Variants in PLCB4 observed in about 807,000 individuals in gnomAD.
PLCB4 encodes phospholipase C beta 4.
PLCB4 carries 77 observed loss-of-function variants against 178.8 expected under a neutral mutation model. The observed-to-expected ratio is 0.43, with a 90% CI of 0.36 to 0.52. PLCB4 has a LOEUF of 0.52. Among genes scored for constraint, PLCB4 ranks in the 20% least tolerant of loss-of-function variants. PLCB4 has a pLI of 0.00. For synonymous variants in PLCB4, 496 were observed against 490.8 expected (o/e 1.01, Z -0.14); for missense variants, 1,024 against 1,453.4 (o/e 0.70, Z 4.80).
chr20:9,237,257 T>C (rs2094003714), intron 3 of PLCB4, among the ~76,000 whole-genome samples: 2 of 152,176 alleles, frequency 1.3e-5, no homozygotes, highest in South Asian at 4.1e-4. Context: ...TGCATACGTA[T>C]GTTTAAACGA....
At chr20:9,248,758 G>C (rs926271552) in intron 3 of PLCB4, among the ~76,000 whole-genome samples, 1 of 152,100 alleles carries the variant, frequency 6.6e-6, no homozygotes, top group African/African-American at 2.4e-5. Flanking sequence ...TTCAAGGCAG[G>C]TTCCTTTATG....
intron 25 of PLCB4, among the ~76,000 whole-genome samples, chr20:9,413,520 G>A (rs981227817): frequency 5.3e-5 from 8 of 152,026 alleles, no homozygotes; most frequent in Non-Finnish European, 7.4e-5. Context: ...TTAGCCGGGC[G>A]TGGTGGCGGG....
At chr20:9,294,031 G>T (rs2179322) in intron 3 of PLCB4, among the ~76,000 whole-genome samples, 5,274 of 152,144 alleles carry the variant, frequency 0.035, 334 homozygotes, top group African/African-American at 0.12. Flanking sequence ...GCAGCTGAGG[G>T]CACGTTTCTT....
chr20:9,125,523 C>G (rs185528917), intron 2 of PLCB4, among the ~76,000 whole-genome samples: 1 of 151,594 alleles, frequency 6.6e-6, no homozygotes, highest in East Asian at 1.9e-4. Context: ...AGATATAACT[C>G]GTAATGAGGG....
At chr20:9,422,272 T>C (rs1169970249) in intron 27 of PLCB4, among the ~76,000 whole-genome samples, 1 of 152,202 alleles carries the variant, frequency 6.6e-6, no homozygotes, top group East Asian at 1.9e-4. Context: ...GATTATCCAT[T>C]TCAGAATAGA....
intron 7 of PLCB4, 71 bp from the exon 8 acceptor site, chr20:9,362,825 A>C: frequency 1.2e-6 from 1 of 864,570 alleles, no homozygotes; most frequent in South Asian, 1.4e-5. Context: ...GATACAATCT[A>C]TCTAATAAAA....
At chr20:9,360,945 G>A (rs1369589994) in intron 7 of PLCB4, among the ~76,000 whole-genome samples, 2 of 152,148 alleles carry the variant, frequency 1.3e-5, no homozygotes, top group East Asian at 3.9e-4. Context: ...CATTAGTTTG[G>A]CTACTACTTA....
chr20:9,367,938 G>A (rs558401156), intron 9 of PLCB4, among the ~76,000 whole-genome samples: 1 of 152,272 alleles, frequency 6.6e-6, no homozygotes, highest in African/African-American at 2.4e-5. Context: ...AGACGGCTGT[G>A]ATTTGGGGGC....
In PLCB4 at chr20:9,260,298, G is replaced by A. The variant is rs570919354; in HGVS notation, c.-16+42846G>A. ...CATTTCCTCCTTCTACTTCAGGCTA[G>A]TGTACTGTTTTGATTTTCATTTTCT... On this transcript the variant is annotated intron_variant, in intron 3 of 39. Coordinates refer to ENST00000378473, the MANE Select transcript of PLCB4 (RefSeq NM_001377142.1). Among the ~76,000 whole-genome samples, 13 of 152,174 alleles carry A rather than the reference G, an allele frequency of 8.5e-5. No homozygotes were observed. In the South Asian group the frequency reaches 2.5e-3, roughly 29 times the overall value.
chr20:9,421,140 A>G (rs2040603520), intron 26 of PLCB4, among the ~76,000 whole-genome samples, 157 bp from the exon 27 acceptor site: 1 of 152,114 alleles, frequency 6.6e-6, no homozygotes, highest in South Asian at 2.1e-4. Flanking sequence ...GTTGTTCGAT[A>G]ATGTTTTGGT....
At chr20:9,299,307 T>C (rs1054326047) in intron 3 of PLCB4, among the ~76,000 whole-genome samples, 5 of 152,114 alleles carry the variant, frequency 3.3e-5, no homozygotes, top group Non-Finnish European at 7.4e-5. Flanking sequence ...GAAAATATTT[T>C]TTCTGGAATA....
intron 17 of PLCB4, among the ~76,000 whole-genome samples, chr20:9,392,999 G>A (rs1464158547): frequency 6.6e-6 from 1 of 152,082 alleles, no homozygotes; most frequent in Non-Finnish European, 1.5e-5. Context: ...GCATACAGGG[G>A]CACCTCCTTT....
intron 2 of PLCB4, among the ~76,000 whole-genome samples, chr20:9,211,423 C>A (rs2093671533): frequency 6.6e-6 from 1 of 152,228 alleles, no homozygotes; most frequent in Admixed American, 6.5e-5. Flanking sequence ...TTGAGCTTCA[C>A]ACATGCTGAA....
rs1260915636 is a variant in PLCB4, at chr20:9,479,094, C to A, written c.*85C>A. The A allele has an allele frequency of 2.2e-6, 2 of 912,824 alleles. No homozygotes were observed. The highest frequency in any genetic ancestry group is 3.6e-6 in the Non-Finnish European group (2 of 563,040). 56.5% of individuals were successfully genotyped at this position (912,824 alleles called of 1,614,324 possible). A position where few individuals can be genotyped will look rare whatever the true frequency, so the allele number is the denominator to read the frequency against. ...TGGATGAAAGCTGTTTATTTTGTTT[C>A]CTTTATGTGTAAACAAGATGATATC... is the stretch of plus-strand genomic sequence containing the variant. On this transcript the variant is annotated 3_prime_UTR_variant, in exon 40 of 40. Transcript: ENST00000378473.
intron 1 of PLCB4, among the ~76,000 whole-genome samples, chr20:9,094,442 A>G (rs2090817777): frequency 6.6e-6 from 1 of 152,160 alleles, no homozygotes; most frequent in Admixed American, 6.6e-5. Context: ...AAGTATTTGA[A>G]AAACAGAAAG....
At chr20:9,304,658 C>T (rs150017564) in intron 3 of PLCB4, among the ~76,000 whole-genome samples, 3 of 152,068 alleles carry the variant, frequency 2.0e-5, no homozygotes, top group African/African-American at 4.8e-5. Flanking sequence ...CTAATTTCTC[C>T]GTGTACTTTG....
At chr20:9,364,467 T>C (rs1462749572) in intron 8 of PLCB4, among the ~76,000 whole-genome samples, 2 of 152,156 alleles carry the variant, frequency 1.3e-5, no homozygotes, top group Non-Finnish European at 2.9e-5. Flanking sequence ...CCTGGAAGAT[T>C]ATACTCTTCC....
Position 9,258,145 on chromosome 20 carries a change from G to A in PLCB4, c.-16+40693G>A, listed in dbSNP as rs535690619. Reference sequence around the variant, plus strand: ...GCACACACACAGATGTTTTAATTTAGCATTGGATCATCATCTCCCCTGGGC... The same window carrying A: ...GCACACACACAGATGTTTTAATTTAACATTGGATCATCATCTCCCCTGGGC... On this transcript the variant is annotated intron_variant, in intron 3 of 39. Coordinates refer to ENST00000378473, the MANE Select transcript of PLCB4 (RefSeq NM_001377142.1). Among the ~76,000 whole-genome samples the A allele has an allele frequency of 5.3e-5, 8 of 152,256 alleles. No homozygotes were observed. The South Asian group carries it at 1.7e-3, about 32-fold the overall frequency.
intron 3 of PLCB4, among the ~76,000 whole-genome samples, chr20:9,277,460 G>A (rs2094459949): frequency 6.6e-6 from 1 of 151,982 alleles, no homozygotes; most frequent in African/African-American, 2.4e-5. Flanking sequence ...TCCTGCTTGG[G>A]TATATGGGTA....
Sources: gnomAD v4.1 joint callset for allele counts (sites outside exome capture counted in the v4.1 genomes callset) on GRCh38, gnomAD v4.1.1 for gene constraint, MANE v1.5 for transcripts, NCBI Gene and HGNC (gene_info 2026-07-23, HGNC 2026-07-21) for gene names.